The following HAUS1 variants were observed in gnomAD, a reference collection of about 807,000 sequenced individuals.
HAUS1 encodes the protein HAUS augmin like complex subunit 1, also known as HAUS augmin-like complex subunit 1.
In HAUS1, 25 loss-of-function variants were observed where a neutral mutation model predicts 38.6. The observed-to-expected ratio is 0.65, with a 90% CI of 0.47 to 0.91. HAUS1 has a LOEUF of 0.91. HAUS1 is among the 40% of genes least tolerant of loss of function. The pLI is 0.00. For missense variants in HAUS1, 325 were observed against 328.4 expected (o/e 0.99, Z 0.08); for synonymous variants, 109 against 112.9 (o/e 0.97, Z 0.22).
chr18:46,124,585 CA>C (rs1228275428), intron 6 of HAUS1, among the ~76,000 whole-genome samples: 7 of 150,632 alleles, frequency 4.6e-5, no homozygotes, highest in South Asian at 2.1e-4. Context: ...GACTCCATCT[CA>C]AAAAAAAATT....
At chr18:46,107,706 G>A (rs1662986693) in intron 2 of HAUS1, among the ~76,000 whole-genome samples, 1 of 152,166 alleles carries the variant, frequency 6.6e-6, no homozygotes, top group Non-Finnish European at 1.5e-5. Flanking sequence ...TAGCTCGCTG[G>A]ACTTGAATGA....
In HAUS1 at chr18:46,122,897, T is replaced by A. The variant is rs76203468; in HGVS notation, c.600+307T>A. On this transcript the variant is annotated intron_variant, in intron 5 of 8. Transcript: ENST00000282058. ...GTTTTTCATTTATACTTGTAGCTCC[T>A]CTTTACTGTGTTATATGTTAAAAAT... 5.9e-3 allele frequency among the ~76,000 whole-genome samples: 900 copies of A among 152,312 alleles called. 19 individuals carry two copies. The highest frequency in any genetic ancestry group is 0.033 in the Admixed American group (502 of 15,286).
chr18:46,124,139 G>T (rs943002870), intron 6 of HAUS1, among the ~76,000 whole-genome samples: 1 of 152,130 alleles, frequency 6.6e-6, no homozygotes, highest in African/African-American at 2.4e-5. Flanking sequence ...GCCAGGCATG[G>T]TGGCTCACAC....
chr18:46,124,349 G>A (rs960921329), intron 6 of HAUS1, among the ~76,000 whole-genome samples: 6 of 150,852 alleles, frequency 4.0e-5, no homozygotes, highest in African/African-American at 1.5e-4. Context: ...CTCAGGGGGC[G>A]GAGGTTGCAG....
intron 3 of HAUS1, among the ~76,000 whole-genome samples, chr18:46,119,684 A>C (rs1458833303): frequency 1.3e-5 from 2 of 152,180 alleles, no homozygotes; most frequent in Non-Finnish European, 2.9e-5. Flanking sequence ...TAGCACAGAG[A>C]AGGAGGTAGT....
In HAUS1 at chr18:46,118,483, G is replaced by A. The variant is rs569150996; in HGVS notation, c.341+167G>A. 6.6e-6 allele frequency: 4 copies of A among 602,862 alleles called. No individual in the cohort carries two copies. The East Asian group carries it at 1.1e-4, about 17-fold the overall frequency. 37.3% of individuals were successfully genotyped at this position (602,862 alleles called of 1,614,324 possible). Reference sequence around the variant, plus strand: ...GAGTATAATTAATTTGGATAAATATGGTATTGGTTAATTTTTAGTGTTTTC... The same window carrying A: ...GAGTATAATTAATTTGGATAAATATAGTATTGGTTAATTTTTAGTGTTTTC... On this transcript the variant is annotated intron_variant, in intron 3 of 8. Transcript: ENST00000282058.
intron 2 of HAUS1, among the ~76,000 whole-genome samples, chr18:46,107,457 A>C (rs763424455): frequency 6.6e-6 from 1 of 152,156 alleles, no homozygotes; most frequent in Non-Finnish European, 1.5e-5. Context: ...TGTATGCAAA[A>C]TTTTAACACA....
intron 2 of HAUS1, among the ~76,000 whole-genome samples, chr18:46,113,731 G>A (rs1355535655): frequency 6.6e-6 from 1 of 151,892 alleles, no homozygotes; most frequent in African/African-American, 2.4e-5. Context: ...CTTTTTTGTT[G>A]TTGTTGTTGT....
intron 2 of HAUS1, among the ~76,000 whole-genome samples, chr18:46,114,681 G>T (rs1477905098): frequency 6.6e-6 from 1 of 152,104 alleles, no homozygotes; most frequent in Non-Finnish European, 1.5e-5. Flanking sequence ...AAACACTAAA[G>T]TCTTGCTTCT....
intron 2 of HAUS1, among the ~76,000 whole-genome samples, chr18:46,112,315 TA>T (rs1181399742): frequency 6.2e-5 from 8 of 128,482 alleles, no homozygotes; most frequent in African/African-American, 1.6e-4. Context: ...ATATTATATA[TA>T]ATATATATAA....
At chr18:46,124,447 A>C (rs1441340915) in intron 6 of HAUS1, among the ~76,000 whole-genome samples, 2 of 150,452 alleles carry the variant, frequency 1.3e-5, no homozygotes, top group African/African-American at 2.5e-5. Flanking sequence ...TTAGCCAGGC[A>C]TGGTGGTGCA....
At chr18:46,121,332 G>T (rs988283364) in intron 4 of HAUS1, among the ~76,000 whole-genome samples, 8 of 152,040 alleles carry the variant, frequency 5.3e-5, no homozygotes, top group Middle Eastern at 3.4e-3. Flanking sequence ...TGGGATTACA[G>T]GCACCTGCCA....
At chr18:46,121,276 G>A (rs188282911) in intron 4 of HAUS1, among the ~76,000 whole-genome samples, 67 of 151,886 alleles carry the variant, frequency 4.4e-4, no homozygotes, top group Middle Eastern at 3.4e-3. Flanking sequence ...TGTACCCTCC[G>A]CTTCCCGGGT....
At chr18:46,108,920 A>C (rs1417780068) in intron 2 of HAUS1, among the ~76,000 whole-genome samples, 2 of 151,882 alleles carry the variant, frequency 1.3e-5, no homozygotes, top group Non-Finnish European at 2.9e-5. Context: ...AAATACAAAA[A>C]ATTAGCCGGG....
chr18:46,118,550 A>G, intron 3 of HAUS1: 1 of 464,606 alleles, frequency 2.2e-6, no homozygotes, highest in African/African-American at 2.0e-5. Flanking sequence ...TCTCATGTAT[A>G]TTTGGAAAGG....
chr18:46,125,933 C>G (rs756327853), intron 8 of HAUS1, 142 bp downstream of exon 8: 30 of 614,808 alleles, frequency 4.9e-5, no homozygotes, highest in Non-Finnish European at 8.1e-5. Context: ...TCTCCTGCAT[C>G]TTTTAATACT....
chr18:46,118,043 G>A (rs1599814059), intron 2 of HAUS1, 138 bp from the exon 3 acceptor site: 1 of 701,298 alleles, frequency 1.4e-6, no homozygotes, highest in Admixed American at 2.5e-5. Context: ...GTACTGATGG[G>A]GATACAACTA....
rs1056293239 is a variant in HAUS1 at position 46,110,206 on chromosome 18, C to T, written c.205+4838C>T. 2.8e-5 allele frequency among the ~76,000 whole-genome samples: 4 copies of T among 141,884 alleles called. No homozygotes were observed. In the Admixed American group the frequency reaches 3.0e-4, roughly 11 times the overall value. 93.1% of individuals were successfully genotyped at this position (141,884 alleles called of 152,430 possible). ...AGTCTTGCTCTGTCACCCAGGCTGA[C>T]GTGTAGTGGCATGATCATAGCTCAC... On this transcript the variant is annotated intron_variant, in intron 2 of 8. Coordinates refer to ENST00000282058, the MANE Select transcript of HAUS1 (RefSeq NM_138443.4).
At chr18:46,104,876 C>T (rs1243712864) in intron 1 of HAUS1, among the ~76,000 whole-genome samples, 1 of 152,132 alleles carries the variant, frequency 6.6e-6, no homozygotes, top group Non-Finnish European at 1.5e-5. Context: ...TCTAATAATG[C>T]GTTCGCATTA....
Sources: gnomAD v4.1 joint callset for allele counts (sites outside exome capture counted in the v4.1 genomes callset) on GRCh38, gnomAD v4.1.1 for gene constraint, MANE v1.5 for transcripts, NCBI Gene and HGNC (gene_info 2026-07-23, HGNC 2026-07-21) for gene names.